TENM1: variants seen among roughly 807,000 people sequenced by gnomAD.
TENM1 encodes the protein teneurin-1.
In TENM1, 35 loss-of-function variants were observed where a neutral mutation model predicts 174.8. That is an observed-to-expected ratio of 0.20 (90% CI 0.15 to 0.27). The LOEUF (loss-of-function observed/expected upper bound fraction) is 0.27. Ranked by LOEUF, TENM1 falls within the 10% of genes least tolerant of loss-of-function variation. The pLI, the probability that TENM1 is intolerant of heterozygous loss-of-function variation, is 1.00. For synonymous variants in TENM1, 781 were observed against 798.7 expected, an observed-to-expected ratio of 0.98 and a Z score of 0.37; for missense variants, 1,633 against 2,130.1, an observed-to-expected ratio of 0.77 and a Z score of 4.59.
chrX:124,707,170 T>A (rs1216956900), intron 4 of TENM1, among the ~76,000 whole-genome samples: 1 of 110,600 alleles, frequency 9.0e-6, no homozygotes, highest in Non-Finnish European at 1.9e-5. Context: ...GCCTGGCTAA[T>A]TTTTTGTATT....
chrX:124,501,071 T>C (rs2047318982), intron 19 of TENM1, among the ~76,000 whole-genome samples: 1 of 111,531 alleles, frequency 9.0e-6, no homozygotes, highest in Admixed American at 9.5e-5. Flanking sequence ...AGATTGTTCT[T>C]TTTAATAATT....
chrX:124,982,270 G>GAAAAAAAA, the TENM1 span, among the ~76,000 whole-genome samples: 12 of 10,523 alleles, frequency 1.1e-3, no homozygotes, highest in Admixed American at 2.9e-3. Context: ...AAGAAAATGT[G>GAAAAAAAA]AAAAAAAAAA....
At chrX:124,710,516 T>C (rs1408767150) in intron 4 of TENM1, among the ~76,000 whole-genome samples, 2 of 111,990 alleles carry the variant, frequency 1.8e-5, no homozygotes, top group Non-Finnish European at 3.8e-5. Flanking sequence ...TTGTTGGCTA[T>C]TATGACGGCA....
the TENM1 span, among the ~76,000 whole-genome samples, chrX:125,100,396 T>C: frequency 2.1e-3 from 234 of 111,552 alleles, no homozygotes; most frequent in African/African-American, 7.3e-3. Context: ...AAATGGACGA[T>C]ACAAAAGAAA....
chrX:124,967,117 G>A (rs1386914199), upstream of TENM1, among the ~76,000 whole-genome samples: 1 of 111,889 alleles, frequency 8.9e-6, no homozygotes, highest in Non-Finnish European at 1.9e-5. Flanking sequence ...GAAAAGGATT[G>A]CACTTGATTC....
intron 1 of TENM1, among the ~76,000 whole-genome samples, chrX:124,961,898 C>CA (rs1300032915): frequency 9.0e-6 from 1 of 110,562 alleles, no homozygotes; most frequent in Non-Finnish European, 1.9e-5. Flanking sequence ...AGTAAAGAAA[C>CA]AAAAAACAGT....
chrX:124,736,589 G>T (rs1294719548), intron 4 of TENM1, among the ~76,000 whole-genome samples: 2 of 111,214 alleles, frequency 1.8e-5, no homozygotes. Context: ...GGGTTTTCTT[G>T]TAATACTGCA....
the TENM1 span, among the ~76,000 whole-genome samples, chrX:125,168,736 T>C: frequency 1.1e-3 from 121 of 110,907 alleles, no homozygotes; most frequent in Non-Finnish European, 1.7e-3. Flanking sequence ...ATTCTACACC[T>C]ACAAAGAAAT....
intron 25 of TENM1, among the ~76,000 whole-genome samples, chrX:124,410,847 A>G (rs1456560657): frequency 4.5e-5 from 5 of 112,309 alleles, no homozygotes; most frequent in Non-Finnish European, 5.6e-5. Flanking sequence ...TTCCTCCAGG[A>G]AAGCTGAACT....
In TENM1 at chrX:124,489,354, T is replaced by A. The variant is rs183146241; in HGVS notation, c.3696-2125A>T. ...AGGGTCATGTACTCTTCTTTTTTAATTTAAAAGAAAATTATTGATATGATT... is the reference window on the plus strand; with the variant it reads ...AGGGTCATGTACTCTTCTTTTTTAAATTAAAAGAAAATTATTGATATGATT... On this transcript the variant is annotated intron_variant, in intron 20 of 31. Coordinates refer to ENST00000422452, the Ensembl canonical transcript of TENM1. Among the ~76,000 whole-genome samples, 411 of 112,900 alleles carry A rather than the reference T, an allele frequency of 3.6e-3. 2 individuals are homozygous for A. The highest frequency in any genetic ancestry group is 7.2e-3 in the Admixed American group (77 of 10,728).
At chrX:124,422,783 G>A (rs2060669809) in intron 23 of TENM1, 145 bp from the exon 27 acceptor site, 1 of 511,991 alleles carries the variant, frequency 2.0e-6, no homozygotes, top group African/African-American at 2.3e-5. Flanking sequence ...GGAAAGTGGA[G>A]GGCAGGGGGA....
In TENM1 at chrX:124,599,941, A is replaced by G. The variant is rs764429772; in HGVS notation, c.2078-34381T>C. On this transcript the variant is annotated intron_variant, in intron 11 of 31. Coordinates refer to ENST00000422452, the Ensembl canonical transcript of TENM1. The stretch of plus-strand genomic sequence containing the variant: ...GAACTGGAGTTGGAGGTAATAATGG[A>G]AACTCATGGTTTTCTCTAGATAGAT... Among the ~76,000 whole-genome samples, 4 of 110,754 alleles carry G rather than the reference A, an allele frequency of 3.6e-5. No homozygotes were observed. In the East Asian group the frequency reaches 1.1e-3, roughly 31 times the overall value.
chrX:124,434,977 C>T (rs903293482), intron 23 of TENM1, among the ~76,000 whole-genome samples: 14 of 111,507 alleles, frequency 1.3e-4, no homozygotes, highest in African/African-American at 4.6e-4. Context: ...TACATGAATT[C>T]ATTAAATATC....
chrX:124,405,231 C>A, exon 27 of TENM1: 2 of 1,210,864 alleles, frequency 1.7e-6, no homozygotes, highest in Non-Finnish European at 2.2e-6. Context: ...CGCAGGGAAC[C>A]ATCTGGATTC....
intron 23 of TENM1, among the ~76,000 whole-genome samples, chrX:124,443,762 T>C (rs1438835478): frequency 3.6e-5 from 4 of 111,995 alleles, no homozygotes; most frequent in African/African-American, 1.3e-4. Context: ...AAGTGGTTCT[T>C]ATTTCCTTTT....
At chrX:125,029,031 A>G in the TENM1 span, among the ~76,000 whole-genome samples, 11 of 111,903 alleles carry the variant, frequency 9.8e-5, no homozygotes, top group Middle Eastern at 9.2e-3. Flanking sequence ...CACAGAAAAT[A>G]TTTCATTCAA....
chrX:124,628,005 C>G (rs2050676414), intron 11 of TENM1, among the ~76,000 whole-genome samples: 1 of 84,421 alleles, frequency 1.2e-5, no homozygotes, highest in Admixed American at 1.2e-4. Context: ...GTATTAACAA[C>G]TTGATGTTCC....
intron 21 of TENM1, among the ~76,000 whole-genome samples, chrX:124,485,881 T>G (rs2046942132): frequency 8.9e-6 from 1 of 112,056 alleles, no homozygotes; most frequent in Non-Finnish European, 1.9e-5. Flanking sequence ...TCAGCGTTCC[T>G]GCTTTCTAAT....
chrX:125,170,139 A>G, the TENM1 span, among the ~76,000 whole-genome samples: 1 of 111,659 alleles, frequency 9.0e-6, no homozygotes, highest in East Asian at 2.8e-4. Context: ...TGCAAACAGC[A>G]CTGGGAGACT....
Sources: gnomAD v4.1 joint callset for allele counts (sites outside exome capture counted in the v4.1 genomes callset) on GRCh38, gnomAD v4.1.1 for gene constraint, MANE v1.5 for transcripts, NCBI Gene and HGNC (gene_info 2026-07-23, HGNC 2026-07-21) for gene names.